CADM2: variants seen among roughly 807,000 people sequenced by gnomAD.
CADM2 encodes cell adhesion molecule 2.
A neutral mutation model predicts 49.8 loss-of-function variants in CADM2; 12 were observed. The observed-to-expected ratio is 0.24, with a 90% CI of 0.15 to 0.39. The LOEUF (loss-of-function observed/expected upper bound fraction) is 0.39, where lower values mean the gene tolerates loss of function less well. CADM2 is among the 10% of genes least tolerant of loss of function. The pLI, the probability that CADM2 is intolerant of heterozygous loss-of-function variation, is 1.00. For missense variants in CADM2, 378 were observed against 492.3 expected, an observed-to-expected ratio of 0.77 and a Z score of 2.20; for synonymous variants, 214 against 175.4, an observed-to-expected ratio of 1.22 and a Z score of -1.74.
intron 8 of CADM2, among the ~76,000 whole-genome samples, chr3:85,988,621 A>T (rs1014858221): frequency 6.6e-6 from 1 of 152,186 alleles, no homozygotes; most frequent in Admixed American, 6.5e-5. Context: ...AACAGAGTTA[A>T]AAAAGAAAGG....
intron 1 of CADM2, among the ~76,000 whole-genome samples, chr3:85,286,382 T>C (rs1442404202): frequency 6.6e-6 from 1 of 152,172 alleles, no homozygotes; most frequent in African/African-American, 2.4e-5. Context: ...AAATGCCCAT[T>C]CTGATGGGCT....
At chr3:85,342,010 A>C (rs1442167516) in intron 1 of CADM2, among the ~76,000 whole-genome samples, 1 of 152,188 alleles carries the variant, frequency 6.6e-6, no homozygotes, top group East Asian at 1.9e-4. Context: ...AAATTGACAA[A>C]TTGGATCTAA....
At chr3:85,619,021 C>G (rs1654922694) in intron 1 of CADM2, among the ~76,000 whole-genome samples, 1 of 147,880 alleles carries the variant, frequency 6.8e-6, no homozygotes, top group Non-Finnish European at 1.5e-5. Flanking sequence ...GCCTGGGTGA[C>G]AGAATGAGAC....
chr3:85,384,359 C>T (rs972206279), intron 1 of CADM2, among the ~76,000 whole-genome samples: 2 of 151,760 alleles, frequency 1.3e-5, no homozygotes, highest in Admixed American at 1.3e-4. Context: ...TCTTGTTGCC[C>T]ACGGTGGAGT....
intron 1 of CADM2, among the ~76,000 whole-genome samples, chr3:85,550,758 G>T (rs1038238759): frequency 6.6e-6 from 1 of 151,970 alleles, no homozygotes; most frequent in African/African-American, 2.4e-5. Flanking sequence ...TAAAATGCTT[G>T]GTTTTCTTAC....
chr3:85,267,413 T>C (rs1166639610), intron 1 of CADM2, among the ~76,000 whole-genome samples: 1 of 151,632 alleles, frequency 6.6e-6, no homozygotes, highest in East Asian at 1.9e-4. Flanking sequence ...TCCTTTGAAC[T>C]CTCCATGTCA....
At chr3:85,138,828 T>A (rs1258480466) in intron 1 of CADM2, among the ~76,000 whole-genome samples, 1 of 152,172 alleles carries the variant, frequency 6.6e-6, no homozygotes, top group Non-Finnish European at 1.5e-5. Flanking sequence ...TCACATTTCA[T>A]TGGCTTCAGT....
At chr3:85,441,547 G>T (rs959261306) in intron 1 of CADM2, among the ~76,000 whole-genome samples, 6 of 151,920 alleles carry the variant, frequency 3.9e-5, no homozygotes, top group Non-Finnish European at 8.8e-5. Context: ...TGCTTGGAAA[G>T]ATAAATATGA....
At chr3:85,993,736 T>C (rs1238018125) in intron 8 of CADM2, 4 of 152,130 alleles carry the variant, frequency 2.6e-5, no homozygotes. Flanking sequence ...CCTTTAGAGC[T>C]CTTGGGTAAC....
At chr3:85,113,770 G>A (rs1263649627) in intron 1 of CADM2, among the ~76,000 whole-genome samples, 1 of 150,864 alleles carries the variant, frequency 6.6e-6, no homozygotes, top group East Asian at 1.9e-4. Context: ...TACTATTGTG[G>A]AAAGGACTTT....
Position 85,210,148 on chromosome 3 carries a change from G to T in CADM2, c.61+250480G>T, listed in dbSNP as rs564163876. On this transcript the variant is annotated intron_variant, in intron 1 of 9. Coordinates refer to ENST00000383699, the MANE Select transcript of CADM2 (RefSeq NM_001167675.2). ...TGTGGTTTTTATTGTTTCGAGGTAT[G>T]TTCCTACTAGTCCAGTTTCTTAAGA... is the stretch of plus-strand genomic sequence containing the variant. Among the ~76,000 whole-genome samples, 203 of 152,260 alleles carry T rather than the reference G, an allele frequency of 1.3e-3. 2 individuals carry two copies. The highest frequency in any genetic ancestry group is 4.5e-3 in the African/African-American group (185 of 41,564).
intron 1 of CADM2, among the ~76,000 whole-genome samples, chr3:85,462,619 A>G (rs1207759096): frequency 6.6e-6 from 1 of 152,106 alleles, no homozygotes; most frequent in Non-Finnish European, 1.5e-5. Flanking sequence ...AAGACACAAA[A>G]ACACTAGCAT....
At chr3:85,720,742 ATG>A (rs1179794385) in intron 1 of CADM2, among the ~76,000 whole-genome samples, 1 of 152,180 alleles carries the variant, frequency 6.6e-6, no homozygotes, top group Non-Finnish European at 1.5e-5. Flanking sequence ...TAGTGAAAAA[ATG>A]TGTTTAACTT....
intron 1 of CADM2, among the ~76,000 whole-genome samples, chr3:84,968,707 G>C (rs562608576): frequency 6.6e-6 from 1 of 152,122 alleles, no homozygotes; most frequent in Admixed American, 6.5e-5. Context: ...AATAGGGATT[G>C]TTCCTTTCAC....
At chr3:85,454,648 T>G (rs778944885) in intron 1 of CADM2, among the ~76,000 whole-genome samples, 74 of 152,220 alleles carry the variant, frequency 4.9e-4, no homozygotes, top group Non-Finnish European at 9.7e-4. Context: ...CAATTTTTTT[T>G]GCCCACAAAC....
At chr3:85,007,874 T>A (rs1009635456) in intron 1 of CADM2, among the ~76,000 whole-genome samples, 5 of 152,152 alleles carry the variant, frequency 3.3e-5, no homozygotes, top group Non-Finnish European at 7.4e-5. Context: ...GAAAATCACT[T>A]CTGTTAAGAA....
At chr3:85,393,964 G>A (rs1172324594) in intron 1 of CADM2, among the ~76,000 whole-genome samples, 4 of 151,988 alleles carry the variant, frequency 2.6e-5, no homozygotes, top group East Asian at 3.9e-4. Flanking sequence ...CCGTCACCAC[G>A]CCTCGCTAAT....
chr3:85,750,107 G>T (rs2068801632), intron 2 of CADM2, among the ~76,000 whole-genome samples: 2 of 151,910 alleles, frequency 1.3e-5, no homozygotes, highest in East Asian at 1.9e-4. Context: ...GAAGTTTATT[G>T]AACTCATCTT....
chr3:85,583,401 A>G (rs2062851299), intron 1 of CADM2, among the ~76,000 whole-genome samples: 1 of 152,088 alleles, frequency 6.6e-6, no homozygotes, highest in African/African-American at 2.4e-5. Context: ...TTTTCTGGAA[A>G]CGACTGTCCT....
Sources: gnomAD v4.1 joint callset for allele counts (sites outside exome capture counted in the v4.1 genomes callset) on GRCh38, gnomAD v4.1.1 for gene constraint, MANE v1.5 for transcripts, NCBI Gene and HGNC (gene_info 2026-07-23, HGNC 2026-07-21) for gene names.